HIPK2: variants seen among roughly 807,000 people sequenced by gnomAD.
HIPK2 encodes homeodomain interacting protein kinase 2, also known as homeodomain-interacting protein kinase 2.
A neutral mutation model predicts 113.7 loss-of-function variants in HIPK2; 27 were observed. The ratio of observed to expected loss-of-function variants is 0.24; its 90% CI spans 0.17 to 0.33. HIPK2 has a LOEUF of 0.33. Ranked by LOEUF, HIPK2 falls within the 10% of genes least tolerant of loss-of-function variation. The probability of loss-of-function intolerance (pLI) is 1.00; values close to 1 mark genes in which losing one functional copy is unlikely to be tolerated. For synonymous variants in HIPK2, 631 were observed against 642.2 expected (o/e 0.98, Z 0.26); for missense variants, 1,257 against 1,588.0 (o/e 0.79, Z 3.54).
chr7:139,745,163 A>G (rs1168441948), intron 1 of HIPK2, among the ~76,000 whole-genome samples: 3 of 152,174 alleles, frequency 2.0e-5, no homozygotes, highest in Non-Finnish European at 4.4e-5. Flanking sequence ...CAACCTTCAA[A>G]CATGCCAGCC....
At chr7:139,621,914 C>A (rs1800246097) in intron 6 of HIPK2, among the ~76,000 whole-genome samples, 1 of 138,498 alleles carries the variant, frequency 7.2e-6, no homozygotes, top group Non-Finnish European at 1.5e-5. Context: ...CAGGGTGAGA[C>A]CCTGTCTCAG....
At position 139,564,227 on chromosome 7, in the gene HIPK2, T is replaced by C; in HGVS notation, c.*8700A>G. 1 of 310,480 alleles carries C rather than the reference T, an allele frequency of 3.2e-6. No homozygotes were observed. The highest frequency in any genetic ancestry group is 5.8e-6 in the Non-Finnish European group (1 of 171,332). 19.2% of individuals were successfully genotyped at this position (310,480 alleles called of 1,614,324 possible). ...GAAAACGAATAAATGACAGCAGATA[T>C]ATGGAAAACCCAGCCAGCGACCATG... is the stretch of plus-strand genomic sequence containing the variant. On this transcript the variant is annotated 3_prime_UTR_variant, in exon 15 of 15. Transcript: ENST00000406875.
intron 1 of HIPK2, among the ~76,000 whole-genome samples, chr7:139,771,419 A>T (rs1434633366): frequency 6.6e-6 from 1 of 151,930 alleles, no homozygotes; most frequent in Non-Finnish European, 1.5e-5. Flanking sequence ...TGTTGGGGTG[A>T]GGGATGCCAG....
chr7:139,744,711 AATT>A (rs1429946583), intron 1 of HIPK2, among the ~76,000 whole-genome samples: 1 of 152,222 alleles, frequency 6.6e-6, no homozygotes, highest in Non-Finnish European at 1.5e-5. Context: ...AAAAGCAGCT[AATT>A]GCCAAGAGGC....
rs150232763 is a variant in HIPK2, at chr7:139,589,404, T to TA, written c.2718-5341dup. 9.7e-3 allele frequency among the ~76,000 whole-genome samples: 1,373 copies of TA among 141,858 alleles called. 11 individuals carry two copies. Among genetic ancestry groups the TA allele is most frequent in the African/African-American group, 0.021 (820 of 39,512 alleles). The allele number at this position is 141,858 out of a possible 152,430, so 93.1% of individuals were successfully genotyped here. A position where few individuals can be genotyped will look rare whatever the true frequency, so the allele number is the denominator to read the frequency against. ...CTGAGTAGTTTAGAAAATGAGCATT[T>TA]AAAAAAAAAAAAAACAACAAAAAGA... On this transcript the variant is annotated intron_variant, in intron 12 of 14. Coordinates refer to ENST00000406875, the MANE Select transcript of HIPK2 (RefSeq NM_022740.5).
intron 2 of HIPK2, among the ~76,000 whole-genome samples, chr7:139,690,608 C>A (rs887683259): frequency 6.6e-6 from 1 of 151,770 alleles, no homozygotes; most frequent in Non-Finnish European, 1.5e-5. Context: ...CCCAGGAGTT[C>A]GAGACCAGCC....
chr7:139,776,854 G>A (rs1261020522), intron 1 of HIPK2, among the ~76,000 whole-genome samples: 1 of 152,180 alleles, frequency 6.6e-6, no homozygotes, highest in Non-Finnish European at 1.5e-5. Flanking sequence ...CAGACCTACT[G>A]CTTTTCTGCC....
chr7:139,693,446 C>A (rs905772837), intron 2 of HIPK2, among the ~76,000 whole-genome samples: 63 of 152,162 alleles, frequency 4.1e-4, no homozygotes, highest in African/African-American at 1.4e-3. Flanking sequence ...GGAGAGAGAG[C>A]AGCACTTGGT....
chr7:139,681,691 T>G (rs187569396), intron 2 of HIPK2, among the ~76,000 whole-genome samples: 2 of 152,294 alleles, frequency 1.3e-5, no homozygotes, highest in East Asian at 3.9e-4. Flanking sequence ...TTAAAACTCC[T>G]CACATGAAAG....
At chr7:139,634,001 T>G (rs1800715545) in intron 2 of HIPK2, among the ~76,000 whole-genome samples, 1 of 150,460 alleles carries the variant, frequency 6.6e-6, no homozygotes, top group Admixed American at 6.6e-5. Flanking sequence ...TCCCAGCTAC[T>G]CAGGAGGCTG....
At position 139,604,789 on chromosome 7, in the gene HIPK2, G is replaced by C. The variant is rs116048690; in HGVS notation, c.2113-566C>G. Among the ~76,000 whole-genome samples, 717 of 151,170 alleles carry C rather than the reference G, an allele frequency of 4.7e-3. 6 individuals carry two copies. The highest frequency in any genetic ancestry group is 0.017 in the African/African-American group (706 of 41,260). On this transcript the variant is annotated intron_variant, in intron 9 of 14. Coordinates refer to ENST00000406875, the MANE Select transcript of HIPK2 (RefSeq NM_022740.5). ...AAGGGATTCATTCATGTTGAAGAAT[G>C]ATTTCTTTATAAATTTGCTCTAATG...
intron 1 of HIPK2, among the ~76,000 whole-genome samples, chr7:139,738,725 A>T (rs1222653549): frequency 6.6e-6 from 1 of 152,206 alleles, no homozygotes; most frequent in Non-Finnish European, 1.5e-5. Flanking sequence ...GAATCTGGGT[A>T]TAGGGGTAGT....
intron 2 of HIPK2, among the ~76,000 whole-genome samples, chr7:139,648,357 G>A (rs964658109): frequency 3.3e-5 from 5 of 152,128 alleles, no homozygotes; most frequent in Admixed American, 3.3e-4. Flanking sequence ...CTATATAGAG[G>A]TTGATAGACT....
chr7:139,675,034 G>T (rs562786579), intron 2 of HIPK2, among the ~76,000 whole-genome samples: 1 of 152,278 alleles, frequency 6.6e-6, no homozygotes, highest in South Asian at 2.1e-4. Flanking sequence ...TATTTATGCT[G>T]TGTCTAATTT....
chr7:139,704,800 C>T (rs1794841394), intron 2 of HIPK2, among the ~76,000 whole-genome samples: 1 of 152,046 alleles, frequency 6.6e-6, no homozygotes, highest in Non-Finnish European at 1.5e-5. Flanking sequence ...CCCGTCCCAC[C>T]ACTCTCCTCG....
chr7:139,573,045 G>T lies in HIPK2; in HGVS notation c.3479C>A (p.Pro1160Gln). The change falls in exon 15 of 15, where the codon CCG becomes CAG. Residue 1160 changes from proline to glutamine, a missense_variant. Pro to Gln is a moderately conservative substitution (Grantham distance 76). Around this residue, in one of 5 missense-constraint regions of HIPK2, gnomAD observed 862 missense variants for 1,004.3 expected, o/e 0.86. Coordinates refer to ENST00000406875, the MANE Select transcript of HIPK2 (RefSeq NM_022740.5). ...PRVLPSPTIH[P>Q]SQYPAQFAHQ... ...GGCAAATTGGGCTGGATACTGACTC[G>T]GGTGGATGGTGGGCGAGGGCAGGAC... 6.2e-7 allele frequency: 1 copy of T among 1,612,462 alleles called. No individual in the cohort carries two copies. Among genetic ancestry groups the T allele is most frequent in the South Asian group, 1.1e-5 (1 of 90,738 alleles).
intron 2 of HIPK2, among the ~76,000 whole-genome samples, chr7:139,698,818 T>C (rs988901149): frequency 2.0e-5 from 3 of 152,170 alleles, no homozygotes; most frequent in Non-Finnish European, 4.4e-5. Context: ...GTCTAGCTCC[T>C]TGACCAGGAC....
At chr7:139,600,009 T>G (rs935567874) in intron 11 of HIPK2, among the ~76,000 whole-genome samples, 3 of 152,160 alleles carry the variant, frequency 2.0e-5, no homozygotes, top group Non-Finnish European at 2.9e-5. Flanking sequence ...CACCCGGGCC[T>G]GTCATTAGCA....
intron 1 of HIPK2, among the ~76,000 whole-genome samples, chr7:139,760,052 G>C (rs903560365): frequency 1.3e-5 from 2 of 151,478 alleles, no homozygotes; most frequent in African/African-American, 2.4e-5. Context: ...GCCCAGGCTG[G>C]AGTGCAGTGG....
Sources: allele counts gnomAD v4.1 joint callset (sites outside exome capture counted in the v4.1 genomes callset), GRCh38; gene constraint gnomAD v4.1.1; regional missense constraint gnomAD v4.1.1; transcripts MANE v1.5; gene names NCBI Gene and HGNC (gene_info 2026-07-23, HGNC 2026-07-21).